Variants in EFCAB6 observed in about 807,000 individuals in gnomAD.
EFCAB6 encodes EF-hand calcium-binding domain-containing protein 6.
A neutral mutation model predicts 169.8 loss-of-function variants in EFCAB6; 156 were observed. That is an observed-to-expected ratio of 0.92 (90% CI 0.81 to 1.05). The LOEUF is 1.05. Ranked by LOEUF, EFCAB6 falls within the 50% of genes least tolerant of loss-of-function variation. EFCAB6 has a pLI of 0.00. For synonymous variants in EFCAB6, 698 were observed against 676.4 expected (o/e 1.03, Z -0.50); for missense variants, 1,800 against 1,829.1 (o/e 0.98, Z 0.29).
intron 2 of EFCAB6, among the ~76,000 whole-genome samples, chr22:43,804,548 C>T (rs1250881051): frequency 6.6e-6 from 1 of 152,004 alleles, no homozygotes; most frequent in Non-Finnish European, 1.5e-5. Flanking sequence ...TGCTTGAGGC[C>T]AGGAGTTCAA....
At chr22:43,640,948 G>C (rs568069291) in intron 17 of EFCAB6, among the ~76,000 whole-genome samples, 32 of 152,238 alleles carry the variant, frequency 2.1e-4, no homozygotes, top group South Asian at 1.0e-3. Flanking sequence ...CTCAGGGAGA[G>C]CCTTCTCGGT....
chr22:43,609,309 C>G (rs984837823), intron 21 of EFCAB6, among the ~76,000 whole-genome samples: 1 of 152,124 alleles, frequency 6.6e-6, no homozygotes. Flanking sequence ...CATTGTACTG[C>G]GGGGTCTCAG....
In EFCAB6 at chr22:43,608,481, C is replaced by T. The variant is rs1301634968; in HGVS notation, c.2681+1G>A. On this transcript the variant is annotated splice_donor_variant, in intron 22 of 31. Coordinates refer to ENST00000262726, the MANE Select transcript of EFCAB6 (RefSeq NM_022785.4). LOFTEE classifies it high-confidence loss of function. Reference sequence around the variant, plus strand: ...ACCAACCAGTCTCACGTGCCACTTACCTTGCCCAAAGCTTTTCAAACTCTC... The same window carrying T: ...ACCAACCAGTCTCACGTGCCACTTATCTTGCCCAAAGCTTTTCAAACTCTC... The T allele has an allele frequency of 1.2e-6, 2 of 1,613,974 alleles. No individual in the cohort carries two copies. The highest frequency in any genetic ancestry group is 1.7e-6 in the Non-Finnish European group (2 of 1,179,900).
intron 10 of EFCAB6, among the ~76,000 whole-genome samples, chr22:43,701,301 T>C (rs931402353): frequency 2.6e-5 from 4 of 152,230 alleles, no homozygotes; most frequent in Non-Finnish European, 5.9e-5. Context: ...TATTTCATGG[T>C]AGAATTCAGC....
chr22:43,804,316 CA>C (rs2148200551), intron 2 of EFCAB6, among the ~76,000 whole-genome samples: 1 of 152,020 alleles, frequency 6.6e-6, no homozygotes, highest in South Asian at 2.1e-4. Flanking sequence ...TGGGCTACAG[CA>C]AAAGCAGTAC....
chr22:43,794,984 T>C (rs974900138), intron 2 of EFCAB6, among the ~76,000 whole-genome samples: 4 of 152,190 alleles, frequency 2.6e-5, no homozygotes, highest in Non-Finnish European at 5.9e-5. Flanking sequence ...GGCAACACTA[T>C]GGCCACGCAT....
chr22:43,645,843 T>A (rs2056119144), intron 17 of EFCAB6, among the ~76,000 whole-genome samples: 1 of 139,088 alleles, frequency 7.2e-6, no homozygotes, highest in Non-Finnish European at 1.5e-5. Flanking sequence ...AAAGTGGACA[T>A]TTTAAAACTA....
At chr22:43,585,822 G>C (rs1022468254) in intron 24 of EFCAB6, among the ~76,000 whole-genome samples, 1 of 152,130 alleles carries the variant, frequency 6.6e-6, no homozygotes, top group African/African-American at 2.4e-5. Context: ...TAAACATCAG[G>C]CTTCTTGCCA....
chr22:43,768,330 G>T (rs997519254), intron 4 of EFCAB6, among the ~76,000 whole-genome samples: 1 of 152,184 alleles, frequency 6.6e-6, no homozygotes, highest in African/African-American at 2.4e-5. Context: ...TGAAGCTAAA[G>T]TAAATTCAGA....
chr22:43,719,865 G>A (rs1020156685), intron 8 of EFCAB6, among the ~76,000 whole-genome samples: 1 of 152,194 alleles, frequency 6.6e-6, no homozygotes, highest in Non-Finnish European at 1.5e-5. Context: ...TCATGGAAGA[G>A]CAGTATCAAT....
chr22:43,597,297 G>C (rs2052088061), intron 23 of EFCAB6, among the ~76,000 whole-genome samples: 1 of 152,126 alleles, frequency 6.6e-6, no homozygotes, highest in Non-Finnish European at 1.5e-5. Flanking sequence ...AGGGAACAAA[G>C]TGAAGAGACA....
At chr22:43,637,515 G>C (rs578202554) in intron 17 of EFCAB6, among the ~76,000 whole-genome samples, 1 of 152,234 alleles carries the variant, frequency 6.6e-6, no homozygotes, top group East Asian at 1.9e-4. Flanking sequence ...GGCTTCCTGC[G>C]TGTGGAGGTT....
At position 43,739,159 on chromosome 22, in the gene EFCAB6, T is replaced by C. The variant is rs191123328; in HGVS notation, c.508-3166A>G. On this transcript the variant is annotated intron_variant, in intron 6 of 31. Coordinates refer to ENST00000262726, the MANE Select transcript of EFCAB6 (RefSeq NM_022785.4). ...CTTAAAACGTCTCCAATCACTTTTG[T>C]CCACACTACTGCACAAACACTGTTC... Among the ~76,000 whole-genome samples, 21 of 152,340 alleles carry C rather than the reference T, an allele frequency of 1.4e-4. No homozygotes were observed. The East Asian group carries it at 4.0e-3, about 29-fold the overall frequency.
At chr22:43,742,380 A>G (rs2060406718) in intron 6 of EFCAB6, among the ~76,000 whole-genome samples, 2 of 152,086 alleles carry the variant, frequency 1.3e-5, no homozygotes, top group African/African-American at 2.4e-5. Flanking sequence ...TTGGGAAGAT[A>G]TTTACTCCTG....
intron 20 of EFCAB6, among the ~76,000 whole-genome samples, chr22:43,623,615 G>A (rs2054258229): frequency 6.6e-6 from 1 of 151,938 alleles, no homozygotes; most frequent in Non-Finnish European, 1.5e-5. Flanking sequence ...GTGGTATCCG[G>A]CCAGGCGCGG....
chr22:43,683,694 T>C (rs1209317673), intron 12 of EFCAB6, 53 bp downstream of exon 12: 1 of 1,296,758 alleles, frequency 7.7e-7, no homozygotes, highest in Admixed American at 1.7e-5. Flanking sequence ...TCTGAGTGTT[T>C]GCATTCTTAG....
chr22:43,736,387 T>A (rs2060138587), intron 6 of EFCAB6, among the ~76,000 whole-genome samples: 1 of 152,228 alleles, frequency 6.6e-6, no homozygotes, highest in Non-Finnish European at 1.5e-5. Flanking sequence ...CTATTTTTAA[T>A]AGGAGCTGGA....
chr22:43,549,122 T>C (rs2048242921), intron 27 of EFCAB6, among the ~76,000 whole-genome samples: 1 of 152,176 alleles, frequency 6.6e-6, no homozygotes, highest in Non-Finnish European at 1.5e-5. Flanking sequence ...GCTAAAGTGG[T>C]AATTAGAAGG....
chr22:43,611,565 G>C (rs1186057421), intron 21 of EFCAB6, among the ~76,000 whole-genome samples: 1 of 152,186 alleles, frequency 6.6e-6, no homozygotes, highest in Non-Finnish European at 1.5e-5. Flanking sequence ...GGGAGGCTGA[G>C]GTAGGCAGAT....
Sources: allele counts gnomAD v4.1 joint callset (sites outside exome capture counted in the v4.1 genomes callset), GRCh38; gene constraint gnomAD v4.1.1; transcripts MANE v1.5; gene names NCBI Gene and HGNC (gene_info 2026-07-23, HGNC 2026-07-21).